Variants in CLHC1 observed in about 807,000 individuals in gnomAD.
CLHC1 encodes clathrin heavy chain linker domain containing 1.
In CLHC1, 72 loss-of-function variants were observed where a neutral mutation model predicts 69.5. The ratio of observed to expected loss-of-function variants is 1.04; its 90% CI spans 0.86 to 1.26. The LOEUF is 1.26. Ranked by LOEUF, CLHC1 falls within the 50% of genes most tolerant of loss-of-function variation. CLHC1 has a pLI of 0.00. For missense variants in CLHC1, 790 were observed against 679.3 expected (o/e 1.16, Z -1.81); for synonymous variants, 223 against 224.3 (o/e 0.99, Z 0.05).
Position 55,222,402 on chromosome 2 carries a change from G to C in CLHC1, c.10C>G (p.His4Asp), listed in dbSNP as rs1674220882. ...AGAACTGCATGTTTTCTTATTTGAT[G>C]AACTGACATATTTGACAATCTGCAC... MSV[H>D]QIRKHAVLPP... Residue 4 changes from histidine to aspartate, a missense_variant, in exon 3 of 13, where the codon CAT becomes GAT. Coordinates refer to ENST00000401408, the MANE Select transcript of CLHC1 (RefSeq NM_152385.4). 1.9e-6 allele frequency: 3 copies of C among 1,612,746 alleles called. No individual in the cohort carries two copies. Among genetic ancestry groups the C allele is most frequent in the Non-Finnish European group, 1.7e-6 (2 of 1,179,644 alleles).
rs59113625 is a variant in CLHC1, at chr2:55,222,918, C to CAAAAAAA, written c.-82-432_-82-426dup. Among the ~76,000 whole-genome samples, 52 of 68,546 alleles carry CAAAAAAA rather than the reference C, an allele frequency of 7.6e-4. 4 individuals carry two copies. Among genetic ancestry groups the CAAAAAAA allele is most frequent in the African/African-American group, 2.6e-3 (47 of 17,796 alleles). 45.0% of individuals were successfully genotyped at this position (68,546 alleles called of 152,430 possible). ...CTGGGCAACAAGAGCGAAACTGTCT[C>CAAAAAAA]AAAAAAAAAAAAAAAAAAAAAAAAG... On this transcript the variant is annotated intron_variant, in intron 2 of 12. Coordinates refer to ENST00000401408, the MANE Select transcript of CLHC1 (RefSeq NM_152385.4).
intron 9 of CLHC1, among the ~76,000 whole-genome samples, chr2:55,195,293 T>C (rs1671304553): frequency 6.6e-6 from 1 of 152,224 alleles, no homozygotes; most frequent in Non-Finnish European, 1.5e-5. Context: ...TATTTGTGTT[T>C]CTGTGCCTGG....
Position 55,172,763 on chromosome 2 carries a change from C to T in CLHC1, c.*3027G>A, listed in dbSNP as rs147538630. On this transcript the variant is annotated 3_prime_UTR_variant, in exon 13 of 13. Transcript: ENST00000401408. Reference sequence around the variant, plus strand: ...CTTAACATATGCTTTAGCAATCCAACAGAATTCCAGGCACCTAAAAAGTAA... The same window carrying T: ...CTTAACATATGCTTTAGCAATCCAATAGAATTCCAGGCACCTAAAAAGTAA... Among the ~76,000 whole-genome samples, 68 of 149,440 alleles carry T rather than the reference C, an allele frequency of 4.6e-4. No individual in the cohort carries two copies. The highest frequency in any genetic ancestry group is 7.7e-4 in the Non-Finnish European group (52 of 67,604).
In CLHC1 at chr2:55,208,664, C is replaced by G. The variant is rs1250000702; in HGVS notation, c.861G>C (p.Arg287Ser). 6.2e-7 allele frequency: 1 copy of G among 1,612,246 alleles called. No homozygotes were observed. Among genetic ancestry groups the G allele is most frequent in the African/African-American group, 1.3e-5 (1 of 74,808 alleles). Residue 287 changes from arginine to serine, a missense_variant, in exon 8 of 13, where the codon AGG becomes AGC. Coordinates refer to ENST00000401408, the MANE Select transcript of CLHC1 (RefSeq NM_152385.4). ...GAAGCATAATTTCAGCTTCTTTTGC[C>G]CTGCGTGGATCATCTTCCATTAGTT... Reference protein sequence around the residue: ...VEELMEDDPRRAKEAEIMLHY... With the variant: ...VEELMEDDPRSAKEAEIMLHY...
At chr2:55,216,367 C>T (rs1673508856) in intron 4 of CLHC1, among the ~76,000 whole-genome samples, 1 of 151,522 alleles carries the variant, frequency 6.6e-6, no homozygotes, top group African/African-American at 2.4e-5. Context: ...AAATATAAGA[C>T]TACTTAACAA....
At chr2:55,194,560 G>GA (rs899430728) in intron 9 of CLHC1, among the ~76,000 whole-genome samples, 22 of 141,136 alleles carry the variant, frequency 1.6e-4, no homozygotes, top group South Asian at 2.2e-4. Flanking sequence ...AATAAAGCAA[G>GA]AAAAAAAAAA....
intron 9 of CLHC1, among the ~76,000 whole-genome samples, chr2:55,194,814 C>G (rs146623574): frequency 1.3e-5 from 2 of 152,020 alleles, no homozygotes; most frequent in Non-Finnish European, 2.9e-5. Context: ...CATAGTGAAA[C>G]GATTAATATG....
At chr2:55,229,688 A>C (rs1675076073) in intron 1 of CLHC1, among the ~76,000 whole-genome samples, 1 of 152,240 alleles carries the variant, frequency 6.6e-6, no homozygotes, top group Admixed American at 6.5e-5. Context: ...CAACAGCCTC[A>C]CTTGTAAGAA....
intron 2 of CLHC1, among the ~76,000 whole-genome samples, chr2:55,223,258 CTTTAT>C (rs113358607): frequency 8.5e-5 from 13 of 152,232 alleles, no homozygotes; most frequent in African/African-American, 3.1e-4. Flanking sequence ...TTATAATAAA[CTTTAT>C]TTTAATTCTC....
At chr2:55,210,638 C>T (rs1386545247) in intron 5 of CLHC1, among the ~76,000 whole-genome samples, 2 of 152,176 alleles carry the variant, frequency 1.3e-5, no homozygotes, top group African/African-American at 4.8e-5. Context: ...CTCAGTAACG[C>T]CACGAGCTTC....
At chr2:55,221,215 G>T (rs987759778) in intron 3 of CLHC1, among the ~76,000 whole-genome samples, 1 of 152,110 alleles carries the variant, frequency 6.6e-6, no homozygotes, top group Non-Finnish European at 1.5e-5. Flanking sequence ...TACTTCCTGT[G>T]GCAAAGAGGA....
In CLHC1 at chr2:55,180,530, T is replaced by G. The variant is rs1369161271; in HGVS notation, c.1364A>C (p.Gln455Pro). ...QTHRVMEYIQQLKDFTTDDLL... is the reference protein window; with the variant it reads ...QTHRVMEYIQPLKDFTTDDLL... ...CTTACCGGTAGTAAAGTCCTTCAAC[T>G]GCTGTATGTACTCCATGACCCTATG... Residue 455 changes from glutamine (Q) to proline (P), a missense_variant, in exon 11 of 13, where the codon CAG (glutamine) becomes CCG (proline). Transcript: ENST00000401408. 3.1e-6 allele frequency: 5 copies of G among 1,613,866 alleles called. No individual in the cohort carries two copies. The highest frequency in any genetic ancestry group is 3.4e-6 in the Non-Finnish European group (4 of 1,179,762).
At chr2:55,201,058 A>T (rs948326335) in intron 9 of CLHC1, among the ~76,000 whole-genome samples, 1 of 152,110 alleles carries the variant, frequency 6.6e-6, no homozygotes, top group African/African-American at 2.4e-5. Context: ...GTTTATAGCT[A>T]TAAGTGCTTA....
intron 9 of CLHC1, chr2:55,205,843 C>G (rs1383929388): frequency 1.3e-5 from 2 of 155,004 alleles, no homozygotes; most frequent in Non-Finnish European, 2.8e-5. Flanking sequence ...GGCAGTGAGC[C>G]AAGACTGTGC....
intron 9 of CLHC1, chr2:55,205,760 T>C (rs1444089688): frequency 6.6e-6 from 1 of 152,498 alleles, no homozygotes; most frequent in Non-Finnish European, 1.5e-5. Flanking sequence ...ATGGGTGTGG[T>C]GGCACACACC....
Position 55,212,682 on chromosome 2 carries a change from G to A in CLHC1, c.490C>T (p.Pro164Ser). Residue 164 changes from proline (P) to serine (S), a missense_variant, in exon 5 of 13, where the codon CCT becomes TCT. By Grantham distance (74) the Pro-to-Ser change is moderately conservative. Coordinates refer to ENST00000401408, the MANE Select transcript of CLHC1 (RefSeq NM_152385.4). ...YCTFSKDPSKPIPGMTLQESM... is the reference protein window; with the variant it reads ...YCTFSKDPSKSIPGMTLQESM... ...AAACAAAATACAATACCTGGAATAG[G>A]TTTTGAAGGATCTTTGGAGAAAGTA... is the stretch of plus-strand genomic sequence containing the variant. 6.3e-7 allele frequency: 1 copy of A among 1,598,332 alleles called. No individual in the cohort carries two copies. Among genetic ancestry groups the A allele is most frequent in the Non-Finnish European group, 8.6e-7 (1 of 1,166,218 alleles).
At chr2:55,213,365 C>T (rs1412318504) in intron 4 of CLHC1, among the ~76,000 whole-genome samples, 8 of 152,238 alleles carry the variant, frequency 5.3e-5, no homozygotes, top group Admixed American at 6.5e-5. Flanking sequence ...TCTCCTCTGC[C>T]TATGGCAAAG....
intron 5 of CLHC1, among the ~76,000 whole-genome samples, chr2:55,210,636 CG>C (rs1558497012): frequency 1.3e-5 from 2 of 152,192 alleles, no homozygotes; most frequent in African/African-American, 4.8e-5. Context: ...TACTCAGTAA[CG>C]CCACGAGCTT....
In CLHC1 at chr2:55,217,977, A is replaced by G; in HGVS notation, c.199T>C (p.Tyr67His). Residue 67 changes from tyrosine (Y) to histidine (H), a missense_variant, in exon 4 of 13, where the codon TAC becomes CAC. Transcript: ENST00000401408. ...TTGATTGAAGTAAGAATGGATTTGT[A>G]TGCAGTGATATGCTCTATTACCTGA... ...FDKVIEHITA[Y>H]KSILTSIKKE... 6.5e-7 allele frequency: 1 copy of G among 1,548,224 alleles called. No homozygotes were observed. The highest frequency in any genetic ancestry group is 2.4e-5 in the East Asian group (1 of 42,070).
Sources: gnomAD v4.1 joint callset for allele counts (sites outside exome capture counted in the v4.1 genomes callset) on GRCh38, gnomAD v4.1.1 for gene constraint, MANE v1.5 for transcripts, NCBI Gene and HGNC (gene_info 2026-07-23, HGNC 2026-07-21) for gene names.